The following MACROD2 variants were observed in gnomAD, a reference collection of about 807,000 sequenced individuals.
MACROD2 encodes ADP-ribose glycohydrolase MACROD2.
Under a neutral mutation model 70.4 loss-of-function variants are expected in MACROD2, and 36 were observed. The observed-to-expected ratio is 0.51, with a 90% confidence interval of 0.39 to 0.68. MACROD2 has a LOEUF of 0.68. Ranked by LOEUF, MACROD2 falls within the 30% of genes least tolerant of loss-of-function variation. The pLI, the probability that MACROD2 is intolerant of heterozygous loss-of-function variation, is 0.00. For synonymous variants in MACROD2, 172 were observed against 178.8 expected (o/e 0.96, Z 0.30); for missense variants, 496 against 538.4 (o/e 0.92, Z 0.78).
At chr20:14,693,864 C>T (rs886863636) in intron 5 of MACROD2, among the ~76,000 whole-genome samples, 5 of 152,194 alleles carry the variant, frequency 3.3e-5, no homozygotes, top group South Asian at 2.1e-4. Context: ...TACGCAGAAC[C>T]GCTTCTTAAT....
intron 5 of MACROD2, among the ~76,000 whole-genome samples, chr20:14,822,268 C>T (rs897707487): frequency 3.3e-5 from 5 of 152,058 alleles, no homozygotes; most frequent in African/African-American, 1.2e-4. Flanking sequence ...TGGTAACATT[C>T]TAGCTACTGA....
chr20:16,037,681 A>C (rs1470246998), intron 15 of MACROD2, among the ~76,000 whole-genome samples: 1 of 151,946 alleles, frequency 6.6e-6, no homozygotes, highest in Non-Finnish European at 1.5e-5. Flanking sequence ...TGAAAAAATT[A>C]AATGACCAGC....
chr20:15,571,714 T>C (rs1454446422), intron 8 of MACROD2, among the ~76,000 whole-genome samples: 2 of 152,056 alleles, frequency 1.3e-5, no homozygotes, highest in Non-Finnish European at 2.9e-5. Flanking sequence ...GGATGGGAGA[T>C]GGAACTTGTG....
At chr20:14,373,666 C>G (rs1253011300) in intron 3 of MACROD2, among the ~76,000 whole-genome samples, 1 of 152,120 alleles carries the variant, frequency 6.6e-6, no homozygotes, top group Non-Finnish European at 1.5e-5. Flanking sequence ...AAAGGTTAAT[C>G]TAGCCTATTA....
intron 3 of MACROD2, among the ~76,000 whole-genome samples, chr20:14,208,329 G>A (rs771133210): frequency 1.3e-5 from 2 of 152,156 alleles, no homozygotes; most frequent in Non-Finnish European, 2.9e-5. Flanking sequence ...AGGAAATAGT[G>A]GATGTTCATA....
At chr20:15,161,644 A>T (rs1762757806) in intron 5 of MACROD2, among the ~76,000 whole-genome samples, 1 of 152,014 alleles carries the variant, frequency 6.6e-6, no homozygotes, top group South Asian at 2.1e-4. Flanking sequence ...CACCATCTGG[A>T]TGCTGGTTCA....
At chr20:15,687,611 C>T (rs902134991) in intron 8 of MACROD2, among the ~76,000 whole-genome samples, 2 of 152,114 alleles carry the variant, frequency 1.3e-5, no homozygotes, top group African/African-American at 2.4e-5. Flanking sequence ...TTGGCCAGTG[C>T]TCCCTGGGAC....
Position 14,068,612 on chromosome 20 carries a change from A to G in MACROD2, c.164-17009A>G, listed in dbSNP as rs2053798993. Among the ~76,000 whole-genome samples, 3 of 152,172 alleles carry G rather than the reference A, an allele frequency of 2.0e-5. No individual in the cohort carries two copies. In the South Asian group the frequency reaches 6.2e-4, roughly 32 times the overall value. ...AAGTAGAGACATCCAGGCTGTTTTAAAGGATAGTTAGGAGTACCAGAGGGC... is the reference window on the plus strand; with the variant it reads ...AAGTAGAGACATCCAGGCTGTTTTAGAGGATAGTTAGGAGTACCAGAGGGC... On this transcript the variant is annotated intron_variant, in intron 2 of 17. Coordinates refer to ENST00000684519, the MANE Select transcript of MACROD2 (RefSeq NM_001351661.2).
chr20:14,863,343 A>G (rs961139268), intron 5 of MACROD2, among the ~76,000 whole-genome samples: 3 of 152,180 alleles, frequency 2.0e-5, no homozygotes, highest in Non-Finnish European at 4.4e-5. Flanking sequence ...TCACACTGAT[A>G]CAGGCCACTT....
intron 2 of MACROD2, among the ~76,000 whole-genome samples, chr20:14,012,159 T>G (rs116861598): frequency 0.019 from 2,851 of 151,978 alleles, 30 homozygotes; most frequent in Non-Finnish European, 0.025. Context: ...CACCCTCCTC[T>G]GCGTCCCAAA....
At chr20:14,233,675 C>T (rs539472634) in intron 3 of MACROD2, among the ~76,000 whole-genome samples, 209 of 114,416 alleles carry the variant, frequency 1.8e-3, no homozygotes, top group Admixed American at 2.4e-3. Flanking sequence ...CCCGCCTGGG[C>T]GACAGAGCGA....
chr20:15,482,774 A>G (rs1261453925), intron 7 of MACROD2, among the ~76,000 whole-genome samples: 1 of 152,084 alleles, frequency 6.6e-6, no homozygotes, highest in Non-Finnish European at 1.5e-5. Flanking sequence ...TAGATGTGTA[A>G]TGGTATCTCT....
At chr20:14,715,501 C>A (rs1362344605) in intron 5 of MACROD2, among the ~76,000 whole-genome samples, 1 of 152,184 alleles carries the variant, frequency 6.6e-6, no homozygotes, top group African/African-American at 2.4e-5. Flanking sequence ...GCTGAAGAAT[C>A]CTTCATACCT....
chr20:14,691,846 G>T (rs572084739), intron 5 of MACROD2, among the ~76,000 whole-genome samples: 1 of 152,204 alleles, frequency 6.6e-6, no homozygotes, highest in Non-Finnish European at 1.5e-5. Flanking sequence ...GAGAAAAGCC[G>T]CTTTTGAAGA....
chr20:14,756,184 A>G (rs2071938050), intron 5 of MACROD2, among the ~76,000 whole-genome samples: 1 of 152,092 alleles, frequency 6.6e-6, no homozygotes, highest in Non-Finnish European at 1.5e-5. Context: ...CGTGGCTTCC[A>G]TCAATTCCTA....
chr20:14,828,294 C>A (rs1338977061), intron 5 of MACROD2, among the ~76,000 whole-genome samples: 1 of 152,094 alleles, frequency 6.6e-6, no homozygotes, highest in Non-Finnish European at 1.5e-5. Flanking sequence ...GTTTCTTTGA[C>A]CATTCCTGTA....
chr20:14,759,867 TG>T (rs2071991382), intron 5 of MACROD2, among the ~76,000 whole-genome samples: 3 of 152,214 alleles, frequency 2.0e-5, no homozygotes, highest in African/African-American at 7.2e-5. Context: ...ATATCATTAA[TG>T]GTAGGTGCTT....
intron 4 of MACROD2, among the ~76,000 whole-genome samples, chr20:14,578,860 C>A (rs577725630): frequency 6.6e-6 from 1 of 152,228 alleles, no homozygotes; most frequent in Admixed American, 6.5e-5. Flanking sequence ...CAGGGAGGAG[C>A]GTGTGACTCT....
chr20:14,577,495 G>A (rs1381549256), intron 4 of MACROD2, among the ~76,000 whole-genome samples: 1 of 152,114 alleles, frequency 6.6e-6, no homozygotes, highest in Non-Finnish European at 1.5e-5. Flanking sequence ...CTATATAAGA[G>A]GGACTGGATG....
Sources: allele counts gnomAD v4.1 joint callset (sites outside exome capture counted in the v4.1 genomes callset), GRCh38; gene constraint gnomAD v4.1.1; transcripts MANE v1.5; gene names NCBI Gene and HGNC (gene_info 2026-07-23, HGNC 2026-07-21).